Variants in PHAF1 observed in about 807,000 individuals in gnomAD.
PHAF1 encodes phagosome assembly factor 1.
Under a neutral mutation model 63.1 loss-of-function variants are expected in PHAF1, and 23 were observed. The observed-to-expected ratio is 0.36, with a 90% CI of 0.26 to 0.52. PHAF1 has a LOEUF of 0.52. Ranked by LOEUF, PHAF1 falls within the 20% of genes least tolerant of loss-of-function variation. PHAF1 has a pLI of 0.93. For missense variants in PHAF1, 427 were observed against 517.2 expected (o/e 0.83, Z 1.69); for synonymous variants, 167 against 185.0 (o/e 0.90, Z 0.79).
At chr16:67,125,807 T>C (rs1465493836) in intron 2 of PHAF1, 152 bp from the exon 3 acceptor site, 3 of 624,920 alleles carry the variant, frequency 4.8e-6, no homozygotes, top group Non-Finnish European at 8.5e-6. Context: ...TGCAGCAGTT[T>C]TTTTCTGGTT....
intron 1 of PHAF1, among the ~76,000 whole-genome samples, chr16:67,118,606 A>T (rs553127536): frequency 6.6e-6 from 1 of 151,892 alleles, no homozygotes; most frequent in African/African-American, 2.4e-5. Context: ...AAGTGCTGGG[A>T]TTACAGGTGT....
chr16:67,129,748 G>T (rs1470425349), intron 3 of PHAF1, among the ~76,000 whole-genome samples: 4 of 152,240 alleles, frequency 2.6e-5, no homozygotes, highest in Non-Finnish European at 5.9e-5. Context: ...TTGCATGGAG[G>T]ACTTCATAGT....
rs1372183574 is a variant in PHAF1 at position 67,147,427 on chromosome 16, G to A, written c.*296G>A. The A allele has an allele frequency of 2.3e-6, 1 of 431,270 alleles. No individual in the cohort carries two copies. The highest frequency in any genetic ancestry group is 2.0e-5 in the African/African-American group (1 of 50,246). The allele number at this position is 431,270 out of a possible 1,614,324, so 26.7% of individuals were successfully genotyped here. On this transcript the variant is annotated 3_prime_UTR_variant, in exon 16 of 16. Transcript: ENST00000219139. Reference sequence around the variant, plus strand: ...GCTCTCAACTAACAAGGAGGCAGGAGAGGTCAACCCTTGTCCCATGCACAT... The same window carrying A: ...GCTCTCAACTAACAAGGAGGCAGGAAAGGTCAACCCTTGTCCCATGCACAT...
Position 67,134,349 on chromosome 16 carries a change from C to A in PHAF1, c.549-6C>A, listed in dbSNP as rs1963530509. On this transcript the variant is annotated splice_polypyrimidine_tract_variant and splice_region_variant and intron_variant, in intron 7 of 15. Coordinates refer to ENST00000219139, the MANE Select transcript of PHAF1 (RefSeq NM_025187.5). ...AAGCCTCTGCTCATTCTGTGTCTGTCCCCAGGGCTCCCATGATGCCTCTGA... is the reference window on the plus strand; with the variant it reads ...AAGCCTCTGCTCATTCTGTGTCTGTACCCAGGGCTCCCATGATGCCTCTGA... 1.9e-6 allele frequency: 3 copies of A among 1,611,296 alleles called. No individual in the cohort carries two copies. In the East Asian group the frequency reaches 6.7e-5, roughly 36 times the overall value.
In PHAF1 at chr16:67,139,967, T is replaced by A. The variant is rs1278802106; in HGVS notation, c.662-17T>A. On this transcript the variant is annotated splice_polypyrimidine_tract_variant and intron_variant, in intron 8 of 15. Coordinates refer to ENST00000219139, the MANE Select transcript of PHAF1 (RefSeq NM_025187.5). ...CCTAACCATAACCTGACAACCTCTC[T>A]GTCTTGTTTTTTGCAGGTTGTGGAC... 1.2e-6 allele frequency: 2 copies of A among 1,613,910 alleles called. No homozygotes were observed. Among genetic ancestry groups the A allele is most frequent in the African/African-American group, 2.7e-5 (2 of 74,906 alleles).
chr16:67,117,934 G>A (rs1281356815), intron 1 of PHAF1, among the ~76,000 whole-genome samples: 1 of 150,104 alleles, frequency 6.7e-6, no homozygotes, highest in African/African-American at 2.5e-5. Context: ...GATGACAGGG[G>A]CACACCATCA....
intron 10 of PHAF1, among the ~76,000 whole-genome samples, chr16:67,141,102 ATTATTG>A (rs1963792087): frequency 6.6e-6 from 1 of 152,228 alleles, no homozygotes; most frequent in Non-Finnish European, 1.5e-5. Flanking sequence ...TACATGAGAA[ATTATTG>A]TATAAACAGT....
intron 2 of PHAF1, among the ~76,000 whole-genome samples, chr16:67,124,333 T>C (rs906345348): frequency 6.6e-6 from 1 of 152,230 alleles, no homozygotes; most frequent in Non-Finnish European, 1.5e-5. Flanking sequence ...GTTTAGACAT[T>C]CATATAGACC....
chr16:67,144,751 T>A (rs905433793), intron 11 of PHAF1, 83 bp from the exon 12 acceptor site: 6 of 1,478,984 alleles, frequency 4.1e-6, no homozygotes, highest in Non-Finnish European at 5.7e-6. Context: ...TTGGTTCTGT[T>A]TCTCCTGGGG....
chr16:67,127,466 C>A (rs574640864), intron 3 of PHAF1, among the ~76,000 whole-genome samples: 6 of 152,288 alleles, frequency 3.9e-5, no homozygotes, highest in African/African-American at 7.2e-5. Context: ...AAGTTCCACA[C>A]TGGGAAAGGG....
At chr16:67,118,335 T>A (rs1372041542) in intron 1 of PHAF1, among the ~76,000 whole-genome samples, 1 of 121,700 alleles carries the variant, frequency 8.2e-6, no homozygotes, top group Non-Finnish European at 1.8e-5. Flanking sequence ...CTGTTGCTTT[T>A]TTTTTTTTTT....
At position 67,109,981 on chromosome 16, in the gene PHAF1, C is replaced by G; in HGVS notation, c.-195C>G. On this transcript the variant is annotated 5_prime_UTR_variant, in exon 1 of 16. Transcript: ENST00000219139. ...GCCGTCGTTGCCCCCGCTGCCGCGG[C>G]TGCTGCAGGTGAGGTGAAGTGAGGT... The G allele has an allele frequency of 1.9e-6, 1 of 536,300 alleles. No homozygotes were observed. The highest frequency in any genetic ancestry group is 3.2e-6 in the Non-Finnish European group (1 of 307,952). The allele number at this position is 536,300 out of a possible 1,614,324, so 33.2% of individuals were successfully genotyped here. A position where few individuals can be genotyped will look rare whatever the true frequency, so the allele number is the denominator to read the frequency against.
At chr16:67,117,645 C>T (rs1220763340) in intron 1 of PHAF1, among the ~76,000 whole-genome samples, 1 of 150,716 alleles carries the variant, frequency 6.6e-6, no homozygotes, top group East Asian at 2.1e-4. Flanking sequence ...GGCGTGGTGG[C>T]GGGAGCCTGT....
chr16:67,125,851 G>C, intron 2 of PHAF1, 108 bp from the exon 3 acceptor site: 1 of 798,230 alleles, frequency 1.3e-6, no homozygotes, highest in Non-Finnish European at 2.1e-6. Flanking sequence ...GAGAGGGACT[G>C]TCTGCACTTA....
At chr16:67,130,502 C>T (rs1007499049) in intron 3 of PHAF1, among the ~76,000 whole-genome samples, 5 of 152,090 alleles carry the variant, frequency 3.3e-5, no homozygotes, top group Admixed American at 6.6e-5. Context: ...GTGTGTGCCA[C>T]CACGCCCAGC....
chr16:67,113,814 T>C (rs1022508166), intron 1 of PHAF1, among the ~76,000 whole-genome samples: 4 of 151,220 alleles, frequency 2.6e-5, no homozygotes, highest in African/African-American at 9.8e-5. Flanking sequence ...AGTGGCGTGA[T>C]CTTGGCTCAC....
At chr16:67,125,402 C>T (rs912534338) in intron 2 of PHAF1, among the ~76,000 whole-genome samples, 1 of 152,176 alleles carries the variant, frequency 6.6e-6, no homozygotes, top group Non-Finnish European at 1.5e-5. Flanking sequence ...AGGGTCATCT[C>T]ATAATCAGAT....
At chr16:67,133,940 G>A (rs573356932) in intron 6 of PHAF1, among the ~76,000 whole-genome samples, 15 of 151,278 alleles carry the variant, frequency 9.9e-5, no homozygotes, top group South Asian at 4.2e-4. Context: ...GTGAGACTCC[G>A]TCTCAAAAAA....
At chr16:67,137,683 T>C (rs1218857595) in intron 8 of PHAF1, among the ~76,000 whole-genome samples, 2 of 152,134 alleles carry the variant, frequency 1.3e-5, no homozygotes, top group Non-Finnish European at 2.9e-5. Context: ...TGTGGTTTTT[T>C]CCCAAGAGGA....
Sources: gnomAD v4.1 joint callset for allele counts (sites outside exome capture counted in the v4.1 genomes callset) on GRCh38, gnomAD v4.1.1 for gene constraint, MANE v1.5 for transcripts, NCBI Gene and HGNC (gene_info 2026-07-23, HGNC 2026-07-21) for gene names.